AGAP1: variants seen among roughly 807,000 people sequenced by gnomAD.
AGAP1 encodes the protein arf-GAP with GTPase, ANK repeat and PH domain-containing protein 1.
Under a neutral mutation model 105.3 loss-of-function variants are expected in AGAP1, and 29 were observed. The observed-to-expected ratio is 0.28, with a 90% CI of 0.21 to 0.38. The LOEUF (loss-of-function observed/expected upper bound fraction) is 0.38. AGAP1 is among the 10% of genes least tolerant of loss of function. The pLI is 1.00. For missense variants in AGAP1, 998 were observed against 1,165.1 expected (o/e 0.86, Z 2.09); for synonymous variants, 509 against 485.9 (o/e 1.05, Z -0.63).
rs114824070 is a variant in AGAP1, at chr2:235,954,474, T to C, written c.1484-13988T>C. On this transcript the variant is annotated intron_variant, in intron 12 of 17. Coordinates refer to ENST00000304032, the MANE Select transcript of AGAP1 (RefSeq NM_001037131.3). Reference sequence around the variant, plus strand: ...TAACTGTATTTCCCAACATCCTCTCTCATCGTTCTCTAACTTTCTCCTTAC... The same window carrying C: ...TAACTGTATTTCCCAACATCCTCTCCCATCGTTCTCTAACTTTCTCCTTAC... Among the ~76,000 whole-genome samples the C allele has an allele frequency of 3.6e-3, 541 of 150,994 alleles. 5 individuals are homozygous for C. Among genetic ancestry groups the C allele is most frequent in the African/African-American group, 0.012 (490 of 41,018 alleles).
intron 13 of AGAP1, among the ~76,000 whole-genome samples, chr2:235,998,192 C>G (rs762834173): frequency 6.6e-6 from 1 of 152,150 alleles, no homozygotes; most frequent in Non-Finnish European, 1.5e-5. Flanking sequence ...AAGCTCTGGC[C>G]GAGGTACAAT....
At chr2:235,572,346 G>A (rs937132039) in intron 1 of AGAP1, among the ~76,000 whole-genome samples, 5 of 151,892 alleles carry the variant, frequency 3.3e-5, no homozygotes, top group African/African-American at 1.2e-4. Flanking sequence ...ACCAGGCATG[G>A]GGTGGCTGAG....
chr2:235,638,856 C>T (rs1036991002), intron 1 of AGAP1, among the ~76,000 whole-genome samples: 3 of 152,086 alleles, frequency 2.0e-5, no homozygotes, highest in South Asian at 2.1e-4. Flanking sequence ...CATTTTGTGC[C>T]GGATAATTAT....
chr2:235,544,652 G>A (rs1235617353), intron 1 of AGAP1, among the ~76,000 whole-genome samples: 1 of 152,188 alleles, frequency 6.6e-6, no homozygotes, highest in African/African-American at 2.4e-5. Context: ...GGCAGAGGTG[G>A]GGAGGCCTGC....
At chr2:235,755,159 G>A (rs1018447006) in intron 6 of AGAP1, among the ~76,000 whole-genome samples, 1 of 152,180 alleles carries the variant, frequency 6.6e-6, no homozygotes, top group African/African-American at 2.4e-5. Context: ...CCGTCTGCAG[G>A]GACTGCACAG....
Position 235,906,056 on chromosome 2 carries a change from C to A in AGAP1, c.1156-2682C>A, listed in dbSNP as rs1454965886. Among the ~76,000 whole-genome samples, 2 of 152,164 alleles carry A rather than the reference C, an allele frequency of 1.3e-5. No homozygotes were observed. Among genetic ancestry groups the A allele is most frequent in the East Asian group, 3.9e-4 (2 of 5,164 alleles). On this transcript the variant is annotated intron_variant, in intron 10 of 17. Coordinates refer to ENST00000304032, the MANE Select transcript of AGAP1 (RefSeq NM_001037131.3). This position sits in a 1 kb window ranked among gnomAD's most constrained non-coding sequence, Gnocchi z 5.3. Reference sequence around the variant, plus strand: ...GCCCAGATACCACCCTCCCGTTACCCGAACCCACCATGACAGCTTTCCTCC... The same window carrying A: ...GCCCAGATACCACCCTCCCGTTACCAGAACCCACCATGACAGCTTTCCTCC...
At chr2:236,024,851 C>T (rs1194676398) in intron 13 of AGAP1, among the ~76,000 whole-genome samples, 1 of 152,216 alleles carries the variant, frequency 6.6e-6, no homozygotes, top group Non-Finnish European at 1.5e-5. Context: ...TCGACAGGTT[C>T]ATGGTGCTAA....
intron 6 of AGAP1, chr2:235,783,391 A>G (rs1956400397): frequency 2.1e-6 from 1 of 471,222 alleles, no homozygotes; most frequent in Admixed American, 2.4e-5. Flanking sequence ...GCCGGACCAG[A>G]GAAGTTATTG....
intron 1 of AGAP1, among the ~76,000 whole-genome samples, chr2:235,522,856 T>C (rs891337189): frequency 6.6e-6 from 1 of 152,166 alleles, no homozygotes; most frequent in East Asian, 1.9e-4. Flanking sequence ...GGGCAACCTG[T>C]GGGCAGAAGA....
At chr2:235,693,297 C>G (rs1342915683) in intron 1 of AGAP1, among the ~76,000 whole-genome samples, 1 of 152,140 alleles carries the variant, frequency 6.6e-6, no homozygotes, top group Admixed American at 6.5e-5. Flanking sequence ...GGGTAGTACT[C>G]AAAGCTATCC....
chr2:235,657,524 G>A (rs764022444), intron 1 of AGAP1, among the ~76,000 whole-genome samples: 2 of 152,194 alleles, frequency 1.3e-5, no homozygotes, highest in East Asian at 3.9e-4. Context: ...GATTACAGGC[G>A]CCCGCCACCA....
chr2:236,075,788 C>T (rs927459767), intron 16 of AGAP1, among the ~76,000 whole-genome samples: 4 of 152,198 alleles, frequency 2.6e-5, no homozygotes, highest in African/African-American at 9.6e-5. Context: ...CTGATTGCTG[C>T]CCAGTGTCAT....
rs2059083617 is a variant in AGAP1, at chr2:236,092,376, A to C, written c.2115-27816A>C. ...GGGGTACATGAGATCTCTCTGTATT[A>C]TTTCTTTTTCTTTTTTGTTTGTTTT... On this transcript the variant is annotated intron_variant, in intron 16 of 17. Coordinates refer to ENST00000304032, the MANE Select transcript of AGAP1 (RefSeq NM_001037131.3). The surrounding 1 kb of genome is among the most constrained non-coding windows in gnomAD (Gnocchi z 4.7). Among the ~76,000 whole-genome samples, 1 of 151,940 alleles carries C rather than the reference A, an allele frequency of 6.6e-6. No individual in the cohort carries two copies. Among genetic ancestry groups the C allele is most frequent in the Admixed American group, 6.6e-5 (1 of 15,236 alleles).
rs1452127383 is a variant in AGAP1, at chr2:236,105,841, CCCT to C, written c.2115-14346_2115-14344del. Among the ~76,000 whole-genome samples the C allele has an allele frequency of 2.0e-5, 3 of 152,090 alleles. No homozygotes were observed. In the East Asian group the frequency reaches 5.8e-4, roughly 29 times the overall value. ...CTCGATCTCCTGACCTCATGATCCA[CCCT>C]CCTCGGCCTCCCAAAGTGCTGGGAT... On this transcript the variant is annotated intron_variant, in intron 16 of 17. Coordinates refer to ENST00000304032, the MANE Select transcript of AGAP1 (RefSeq NM_001037131.3). This position sits in a 1 kb window ranked among gnomAD's most constrained non-coding sequence, Gnocchi z 4.2.
intron 9 of AGAP1, among the ~76,000 whole-genome samples, chr2:235,822,185 T>C (rs762320303): frequency 6.6e-6 from 1 of 152,246 alleles, no homozygotes; most frequent in Non-Finnish European, 1.5e-5. Flanking sequence ...TGATAGACGT[T>C]GTACTCAATA....
At position 236,051,390 on chromosome 2, in the gene AGAP1, G is replaced by A. The variant is rs1391239054; in HGVS notation, c.2114+2109G>A. Among the ~76,000 whole-genome samples the A allele has an allele frequency of 6.6e-6, 1 of 152,206 alleles. No homozygotes were observed. Among genetic ancestry groups the A allele is most frequent in the Admixed American group, 6.5e-5 (1 of 15,280 alleles). On this transcript the variant is annotated intron_variant, in intron 16 of 17. Coordinates refer to ENST00000304032, the MANE Select transcript of AGAP1 (RefSeq NM_001037131.3). The surrounding 1 kb of genome is among the most constrained non-coding windows in gnomAD (Gnocchi z 5.9). The stretch of plus-strand genomic sequence containing the variant: ...GGTGAAGGCTCTCAGGGCTGCCTGA[G>A]GATGCCAGGGCTCGGGAGGGTGCAT...
chr2:235,507,825 G>C (rs891018438), intron 1 of AGAP1, among the ~76,000 whole-genome samples: 1 of 152,112 alleles, frequency 6.6e-6, no homozygotes. Context: ...AAAACTTTTA[G>C]TTTCAGGGGT....
In AGAP1 at chr2:235,702,934, GT is replaced by G. The variant is rs549844265; in HGVS notation, c.164-6233del. 1.9e-4 allele frequency among the ~76,000 whole-genome samples: 17 copies of G among 88,926 alleles called. 2 individuals carry two copies. The highest frequency in any genetic ancestry group is 1.2e-3 in the East Asian group (2 of 1,734). The allele number at this position is 88,926 out of a possible 152,430, so 58.3% of individuals were successfully genotyped here. A position where few individuals can be genotyped will look rare whatever the true frequency, so the allele number is the denominator to read the frequency against. ...TGGTCACTGTGAGCCAGTTTTCTTG[GT>G]TTTTTTTTTTTGGACAGAGTCTGGC... is the stretch of plus-strand genomic sequence containing the variant. On this transcript the variant is annotated intron_variant, in intron 1 of 17. Coordinates refer to ENST00000304032, the MANE Select transcript of AGAP1 (RefSeq NM_001037131.3).
Position 235,962,854 on chromosome 2 carries a change from CCT to C in AGAP1, c.1484-5605_1484-5604del, listed in dbSNP as rs1489746347. ...GTGCATTGTAGGGCATTTTTCAGCA[CCT>C]CTGGCTTCTACCATCTGATGCCTGT... On this transcript the variant is annotated intron_variant, in intron 12 of 17. Transcript: ENST00000304032. This position sits in a 1 kb window ranked among gnomAD's most constrained non-coding sequence, Gnocchi z 5.3. Among the ~76,000 whole-genome samples the C allele has an allele frequency of 6.6e-6, 1 of 152,118 alleles. No homozygotes were observed. The highest frequency in any genetic ancestry group is 1.5e-5 in the Non-Finnish European group (1 of 68,028).
Sources: gnomAD v4.1 joint callset for allele counts (sites outside exome capture counted in the v4.1 genomes callset) on GRCh38, gnomAD v4.1.1 for gene constraint, Gnocchi (gnomAD v3.1) non-coding constraint, MANE v1.5 for transcripts, NCBI Gene and HGNC (gene_info 2026-07-23, HGNC 2026-07-21) for gene names.